SIPA1L2: variants seen among roughly 807,000 people sequenced by gnomAD.
SIPA1L2 encodes the protein signal-induced proliferation-associated 1-like protein 2.
SIPA1L2 carries 56 observed loss-of-function variants against 163.9 expected under a neutral mutation model. That is an observed-to-expected ratio of 0.34 (90% CI 0.28 to 0.43). The LOEUF (loss-of-function observed/expected upper bound fraction) is 0.43. Among genes scored for constraint, SIPA1L2 ranks in the 20% least tolerant of loss-of-function variants. The pLI is 1.00. For missense variants in SIPA1L2, 1,974 were observed against 2,193.5 expected (o/e 0.90, Z 2.00); for synonymous variants, 877 against 865.7 (o/e 1.01, Z -0.23).
chr1:232,470,624 G>A (rs1261875705), intron 8 of SIPA1L2, among the ~76,000 whole-genome samples: 1 of 152,118 alleles, frequency 6.6e-6, no homozygotes, highest in East Asian at 1.9e-4. Flanking sequence ...TGAATGTCAG[G>A]AACTCCAATA....
intron 3 of SIPA1L2, among the ~76,000 whole-genome samples, chr1:232,500,503 G>A (rs1368784020): frequency 2.0e-5 from 3 of 152,154 alleles, no homozygotes; most frequent in Non-Finnish European, 4.4e-5. Flanking sequence ...TCCAACCCTC[G>A]TGGATGACTC....
intron 1 of SIPA1L2, among the ~76,000 whole-genome samples, chr1:232,619,687 C>T (rs1235420161): frequency 1.3e-5 from 2 of 152,156 alleles, no homozygotes; most frequent in Non-Finnish European, 2.9e-5. Flanking sequence ...CCCTAGGGTG[C>T]CCCTGTTAAC....
intron 10 of SIPA1L2, 63 bp from the exon 11 acceptor site, chr1:232,445,849 C>T (rs1663185632): frequency 5.7e-6 from 9 of 1,566,382 alleles, no homozygotes; most frequent in East Asian, 2.2e-5. Context: ...GCATGGCTTA[C>T]TCACAGCTGG....
intron 3 of SIPA1L2, among the ~76,000 whole-genome samples, chr1:232,500,873 T>A (rs1320978120): frequency 2.6e-5 from 4 of 152,016 alleles, no homozygotes; most frequent in Admixed American, 2.6e-4. Flanking sequence ...TAAAAAAGAT[T>A]CAATCAATGT....
At chr1:232,625,665 C>T (rs532661038) in intron 1 of SIPA1L2, among the ~76,000 whole-genome samples, 3 of 152,272 alleles carry the variant, frequency 2.0e-5, no homozygotes, top group Admixed American at 6.5e-5. Flanking sequence ...TCACGGGTCA[C>T]GTTACACCAA....
chr1:232,502,502 T>C (rs547707644), intron 3 of SIPA1L2, among the ~76,000 whole-genome samples: 1 of 152,334 alleles, frequency 6.6e-6, no homozygotes, highest in Admixed American at 6.5e-5. Context: ...TCATAAATTA[T>C]ACTTTTAAAA....
chr1:232,533,480 T>C (rs1311266831), intron 2 of SIPA1L2, among the ~76,000 whole-genome samples: 3 of 152,240 alleles, frequency 2.0e-5, no homozygotes, highest in Non-Finnish European at 2.9e-5. Flanking sequence ...GGACTGCAGC[T>C]ATCACTGACC....
chr1:232,604,700 G>C (rs1661796980), intron 1 of SIPA1L2, among the ~76,000 whole-genome samples: 1 of 152,166 alleles, frequency 6.6e-6, no homozygotes, highest in Non-Finnish European at 1.5e-5. Flanking sequence ...CCTGGTGGGA[G>C]AGACTGGATC....
In SIPA1L2 at chr1:232,477,793, G is replaced by C. The variant is rs562345696; in HGVS notation, c.2085+1834C>G. Among the ~76,000 whole-genome samples, 103 of 152,314 alleles carry C rather than the reference G, an allele frequency of 6.8e-4. No individual in the cohort carries two copies. In the Middle Eastern group the frequency reaches 0.02, roughly 30 times the overall value. ...GGGGTGGGAAAGCCAGTTTTGAGTTGTGGTAAAAGCAAAGACTTCAAATCT... is the reference window on the plus strand; with the variant it reads ...GGGGTGGGAAAGCCAGTTTTGAGTTCTGGTAAAAGCAAAGACTTCAAATCT... On this transcript the variant is annotated intron_variant, in intron 7 of 22. Transcript: ENST00000674635.
chr1:232,503,479 C>T (rs145698853), intron 3 of SIPA1L2, among the ~76,000 whole-genome samples: 69 of 152,332 alleles, frequency 4.5e-4, no homozygotes, highest in African/African-American at 1.6e-3. Flanking sequence ...CTCTGCAGGG[C>T]CTCCTGAGGC....
At chr1:232,495,447 C>T (rs934930824) in intron 3 of SIPA1L2, among the ~76,000 whole-genome samples, 5 of 151,778 alleles carry the variant, frequency 3.3e-5, no homozygotes, top group Non-Finnish European at 7.4e-5. Flanking sequence ...TGCCTATAGT[C>T]CCAGCTACTC....
At chr1:232,411,990 A>G (rs2102768034) in intron 19 of SIPA1L2, among the ~76,000 whole-genome samples, 1 of 152,306 alleles carries the variant, frequency 6.6e-6, no homozygotes, top group East Asian at 1.9e-4. Flanking sequence ...CTGAGTCCTT[A>G]TGCACAGAAT....
rs746651031 is a variant in SIPA1L2, at chr1:232,514,867, T to C, written c.473A>G (p.Gln158Arg). 1 of 1,614,198 alleles carries C rather than the reference T, an allele frequency of 6.2e-7. No individual in the cohort carries two copies. Among genetic ancestry groups the C allele is most frequent in the African/African-American group, 1.3e-5 (1 of 75,046 alleles). ...SPQRGLHPIR[Q>R]RSNSDVTISD... ...GATAGTGACATCACTATTGCTCCTC[T>C]GTCTTATGGGGTGAAGTCCTCTTTG... The change falls in exon 3 of 23, where the codon CAG (glutamine) becomes CGG (arginine). Residue 158 changes from glutamine (Q) to arginine (R), a missense_variant. Physicochemically the swap from Gln to Arg is conservative, Grantham distance 43. Around this residue, in one of 3 missense-constraint regions of SIPA1L2, gnomAD observed 607 missense variants for 624.0 expected, o/e 0.97. Transcript: ENST00000674635.
intron 1 of SIPA1L2, among the ~76,000 whole-genome samples, chr1:232,605,203 G>A (rs966776558): frequency 8.6e-5 from 13 of 151,974 alleles, no homozygotes; most frequent in Non-Finnish European, 1.3e-4. Flanking sequence ...TTGTACAGAC[G>A]GGGTTTCTCC....
intron 18 of SIPA1L2, among the ~76,000 whole-genome samples, chr1:232,420,926 G>C (rs1021429440): frequency 6.6e-6 from 1 of 152,194 alleles, no homozygotes; most frequent in Non-Finnish European, 1.5e-5. Flanking sequence ...TGACCTCCTG[G>C]CATAACAAGT....
chr1:232,435,474 T>G (rs112338227), intron 15 of SIPA1L2, among the ~76,000 whole-genome samples: 1,939 of 152,290 alleles, frequency 0.013, 40 homozygotes, highest in African/African-American at 0.044. Context: ...CCACAAACTT[T>G]TCATGAATTC....
chr1:232,548,397 C>T, intron 2 of SIPA1L2, among the ~76,000 whole-genome samples: 1 of 152,196 alleles, frequency 6.6e-6, no homozygotes, highest in East Asian at 1.9e-4. Context: ...AACCTCTGTA[C>T]ATACTTGTCT....
chr1:232,587,947 T>C (rs1486036871), intron 1 of SIPA1L2, among the ~76,000 whole-genome samples: 1 of 152,216 alleles, frequency 6.6e-6, no homozygotes, highest in East Asian at 1.9e-4. Context: ...TCCACCATGA[T>C]TGTGAGGCCT....
chr1:232,571,550 C>T (rs543685595), intron 2 of SIPA1L2, among the ~76,000 whole-genome samples: 8 of 152,292 alleles, frequency 5.3e-5, no homozygotes, highest in Admixed American at 2.6e-4. Context: ...TGCCTAAAAT[C>T]GTGCACACAC....
Sources: gnomAD v4.1 joint callset for allele counts (sites outside exome capture counted in the v4.1 genomes callset) on GRCh38, gnomAD v4.1.1 for gene constraint, gnomAD v4.1.1 regional missense constraint, MANE v1.5 for transcripts, NCBI Gene and HGNC (gene_info 2026-07-23, HGNC 2026-07-21) for gene names.